The following HNRNPA2B1 variants were observed in gnomAD, a reference collection of about 807,000 sequenced individuals.
HNRNPA2B1 encodes the protein heterogeneous nuclear ribonucleoprotein A2/B1.
A neutral mutation model predicts 46.3 loss-of-function variants in HNRNPA2B1; 3 were observed. That is an observed-to-expected ratio of 0.06 (90% CI 0.03 to 0.17). HNRNPA2B1 has a LOEUF of 0.17. Ranked by LOEUF, HNRNPA2B1 falls within the 10% of genes least tolerant of loss-of-function variation. The probability of loss-of-function intolerance (pLI) is 1.00; values close to 1 mark genes in which losing one functional copy is unlikely to be tolerated. For synonymous variants in HNRNPA2B1, 225 were observed against 133.8 expected, an observed-to-expected ratio of 1.68 and a Z score of -4.70; for missense variants, 221 against 418.9, an observed-to-expected ratio of 0.53 and a Z score of 4.12.
Position 26,195,844 on chromosome 7 carries a change from G to T in HNRNPA2B1, c.721+3C>A. The T allele has an allele frequency of 6.2e-7, 1 of 1,609,564 alleles. No homozygotes were observed. Among genetic ancestry groups the T allele is most frequent in the Non-Finnish European group, 8.5e-7 (1 of 1,178,610 alleles). On this transcript the variant is annotated splice_donor_region_variant and intron_variant, in intron 7 of 10. Coordinates refer to ENST00000618183, the MANE Select transcript of HNRNPA2B1 (RefSeq NM_002137.4). Reference sequence around the variant, plus strand: ...ACAAACCAAAACGTAGAGGAAAACTGACCTCCAGGTCCTCCTCCATACCCA... The same window carrying T: ...ACAAACCAAAACGTAGAGGAAAACTTACCTCCAGGTCCTCCTCCATACCCA...
intron 1 of HNRNPA2B1, chr7:26,200,264 AG>A (rs1784257115): frequency 2.5e-6 from 1 of 394,108 alleles, no homozygotes; most frequent in South Asian, 3.2e-5. Context: ...AGCGTGCTTT[AG>A]AAAGGGAATA....
At chr7:26,195,999 C>T (rs1783566020) in intron 6 of HNRNPA2B1, 90 bp from the exon 7 acceptor site, 1 of 1,484,106 alleles carries the variant, frequency 6.7e-7, no homozygotes, top group Non-Finnish European at 8.9e-7. Context: ...TACCTCAGCA[C>T]AATAATTAAG....
At chr7:26,196,782 A>G (rs772657854) in intron 4 of HNRNPA2B1, 25 bp downstream of exon 4, 1 of 1,599,186 alleles carries the variant, frequency 6.3e-7, no homozygotes, top group Non-Finnish European at 8.6e-7. Flanking sequence ...GGAAAAAAAC[A>G]GTACATTTGT....
chr7:26,192,715 G>A (rs1783039526), intron 9 of HNRNPA2B1, 138 bp from the exon 10 acceptor site: 2 of 711,288 alleles, frequency 2.8e-6, no homozygotes, highest in South Asian at 1.7e-5. Flanking sequence ...CCAGTTAGCA[G>A]AATTACTCAG....
At position 26,197,615 on chromosome 7, in the gene HNRNPA2B1, T is replaced by TA; in HGVS notation, c.117+6dup. The TA allele has an allele frequency of 6.2e-7, 1 of 1,604,550 alleles. No individual in the cohort carries two copies. Among genetic ancestry groups the TA allele is most frequent in the Non-Finnish European group, 8.5e-7 (1 of 1,171,972 alleles). On this transcript the variant is annotated splice_region_variant and intron_variant, in intron 2 of 10. Coordinates refer to ENST00000618183, the MANE Select transcript of HNRNPA2B1 (RefSeq NM_002137.4). ...AATATCCAGTAACAATTCAGTAATT[T>TA]ACATACCACACAGTCTGTAAGCTTT... is the stretch of plus-strand genomic sequence containing the variant.
rs532226724 is a variant in HNRNPA2B1, at chr7:26,190,578, C to G, written c.*1782G>C. The G allele has an allele frequency of 2.6e-5, 4 of 152,320 alleles. No individual in the cohort carries two copies. The South Asian group carries it at 8.3e-4, about 32-fold the overall frequency. The allele number at this position is 152,320 out of a possible 1,614,324, so 9.4% of individuals were successfully genotyped here. On this transcript the variant is annotated 3_prime_UTR_variant, in exon 11 of 11. Coordinates refer to ENST00000618183, the MANE Select transcript of HNRNPA2B1 (RefSeq NM_002137.4). Reference sequence around the variant, plus strand: ...GACTCATTGGTGTATAGAGTAAGCCCTGAGTATCACATTCCTGTAAAGGCA... The same window carrying G: ...GACTCATTGGTGTATAGAGTAAGCCGTGAGTATCACATTCCTGTAAAGGCA...
In HNRNPA2B1 at chr7:26,197,298, A is replaced by G; in HGVS notation, c.264+17T>C. On this transcript the variant is annotated intron_variant, in intron 3 of 10. Transcript: ENST00000618183. Reference sequence around the variant, plus strand: ...CGTTCTTCATGTTAATGCACAAGACAGTCATTGTTTGCTTACCTCTCTTGC... The same window carrying G: ...CGTTCTTCATGTTAATGCACAAGACGGTCATTGTTTGCTTACCTCTCTTGC... 1 of 1,596,524 alleles carries G rather than the reference A, an allele frequency of 6.3e-7. No individual in the cohort carries two copies. The highest frequency in any genetic ancestry group is 8.5e-7 in the Non-Finnish European group (1 of 1,170,948).
chr7:26,200,488 C>T, intron 1 of HNRNPA2B1, 84 bp downstream of exon 1: 1 of 1,387,960 alleles, frequency 7.2e-7, no homozygotes, highest in Non-Finnish European at 1.0e-6. Context: ...CTCTCTCCCA[C>T]GGAGGCGGCT....
intron 7 of HNRNPA2B1, among the ~76,000 whole-genome samples, chr7:26,195,116 C>CAAAAAAAAAAAAAAAAAAAAAAAAAAAA: frequency 7.8e-6 from 1 of 127,634 alleles, no homozygotes; most frequent in Non-Finnish European, 1.6e-5. Context: ...AAAAAGAAAC[C>CAAAAAAAAAAAAAAAAAAAAAAAAAAAA]ATATTAAAAA....
At chr7:26,196,014 G>A (rs1240432187) in intron 6 of HNRNPA2B1, 105 bp from the exon 7 acceptor site, 22 of 1,416,984 alleles carry the variant, frequency 1.6e-5, no homozygotes, top group East Asian at 5.1e-5. Context: ...ATTAAGAACC[G>A]CAGAAAAGGA....
chr7:26,195,056 ACACTC>A (rs1783378205), intron 7 of HNRNPA2B1, among the ~76,000 whole-genome samples: 2 of 145,598 alleles, frequency 1.4e-5, no homozygotes, highest in South Asian at 2.2e-4. Flanking sequence ...ACGCGCCACT[ACACTC>A]CAGCCTGGGT....
chr7:26,194,023 G>C (rs1158255446), intron 7 of HNRNPA2B1, among the ~76,000 whole-genome samples: 2 of 152,200 alleles, frequency 1.3e-5, no homozygotes, highest in Non-Finnish European at 2.9e-5. Flanking sequence ...GGGCTAGAGG[G>C]AAAGTAAAAG....
At chr7:26,195,985 T>C (rs1783563438) in intron 6 of HNRNPA2B1, 76 bp from the exon 7 acceptor site, 2 of 1,518,314 alleles carry the variant, frequency 1.3e-6, no homozygotes, top group South Asian at 1.3e-5. Flanking sequence ...TTCAGTTCTC[T>C]TACTACCTCA....
intron 7 of HNRNPA2B1, chr7:26,195,596 T>C (rs1169386107): frequency 2.1e-6 from 1 of 483,844 alleles, no homozygotes; most frequent in Non-Finnish European, 3.7e-6. Context: ...CTAGATCCAA[T>C]CATTTTGCTT....
chr7:26,200,331 G>A (rs1035919883), intron 1 of HNRNPA2B1: 2 of 572,266 alleles, frequency 3.5e-6, no homozygotes, highest in East Asian at 2.9e-5. Context: ...TCCGCCATGT[G>A]AAAGCTCCCC....
At chr7:26,200,400 T>C (rs1324801135) in intron 1 of HNRNPA2B1, 172 bp downstream of exon 1, 3 of 718,550 alleles carry the variant, frequency 4.2e-6, no homozygotes, top group African/African-American at 3.5e-5. Context: ...GGAAGCTGTT[T>C]GTACGCTCAG....
In HNRNPA2B1 at chr7:26,193,569, T is replaced by A. The variant is rs144309126; in HGVS notation, c.841+6A>T. 1.3e-6 allele frequency: 2 copies of A among 1,578,186 alleles called. No individual in the cohort carries two copies. Among genetic ancestry groups the A allele is most frequent in the East Asian group, 4.5e-5 (2 of 44,512 alleles). ...CCCACATAAAGGTTGCAGGTGAATT[T>A]ATTACCTCCTCCATAGTTGTCATAA... is the stretch of plus-strand genomic sequence containing the variant. On this transcript the variant is annotated splice_donor_region_variant and intron_variant, in intron 8 of 10. Transcript: ENST00000618183.
chr7:26,196,633 A>C lies in HNRNPA2B1; in HGVS notation c.501T>G (p.Gly167=). 1.2e-6 allele frequency: 2 copies of C among 1,614,028 alleles called. No individual in the cohort carries two copies. Among genetic ancestry groups the C allele is most frequent in the Non-Finnish European group, 1.7e-6 (2 of 1,179,890 alleles). The change falls in exon 5 of 11, where the codon GGT becomes GGG. Residue 167 remains glycine (G), a synonymous_variant. Coordinates refer to ENST00000618183, the MANE Select transcript of HNRNPA2B1 (RefSeq NM_002137.4). ...IVLQKYHTIN[G]HNAEVRKALS... Reference sequence around the variant, plus strand: ...AAGCCTTTCTTACTTCTGCATTATGACCATTGATGGTATGGTATTTCTGCA... The same window carrying C: ...AAGCCTTTCTTACTTCTGCATTATGCCCATTGATGGTATGGTATTTCTGCA...
chr7:26,194,184 C>G (rs555856641), intron 7 of HNRNPA2B1, among the ~76,000 whole-genome samples: 3 of 152,224 alleles, frequency 2.0e-5, no homozygotes, highest in South Asian at 2.1e-4. Flanking sequence ...ATCACGAGGT[C>G]AAGAGATTGA....
Sources: gnomAD v4.1 joint callset for allele counts (sites outside exome capture counted in the v4.1 genomes callset) on GRCh38, gnomAD v4.1.1 for gene constraint, MANE v1.5 for transcripts, NCBI Gene and HGNC (gene_info 2026-07-23, HGNC 2026-07-21) for gene names.